The following CSMD1 variants were observed in gnomAD, a reference collection of about 807,000 sequenced individuals.
CSMD1 encodes CUB and Sushi multiple domains 1.
CSMD1 carries 213 observed loss-of-function variants against 417.5 expected under a neutral mutation model. The ratio of observed to expected loss-of-function variants is 0.51; its 90% CI spans 0.46 to 0.57. The LOEUF is 0.57. Among genes scored for constraint, CSMD1 ranks in the 20% least tolerant of loss-of-function variants. CSMD1 has a pLI of 0.00. For missense variants in CSMD1, 6,923 were observed against 4,529.7 expected (o/e 1.53, Z -15.17); for synonymous variants, 2,862 against 1,736.8 (o/e 1.65, Z -16.11).
At chr8:3,445,369 T>C (rs1003098308) in intron 12 of CSMD1, among the ~76,000 whole-genome samples, 3 of 152,186 alleles carry the variant, frequency 2.0e-5, no homozygotes, top group African/African-American at 7.2e-5. Flanking sequence ...TATGTTACCA[T>C]CTTATTTTCA....
intron 7 of CSMD1, among the ~76,000 whole-genome samples, chr8:3,667,361 G>A (rs1365967758): frequency 2.6e-5 from 4 of 152,114 alleles, no homozygotes; most frequent in Non-Finnish European, 5.9e-5. Context: ...ATGTCATGGA[G>A]ATGACATTTG....
At chr8:3,798,858 A>G (rs1039650260) in intron 5 of CSMD1, among the ~76,000 whole-genome samples, 23 of 151,964 alleles carry the variant, frequency 1.5e-4, no homozygotes, top group African/African-American at 5.6e-4. Flanking sequence ...ACTCTTTCCT[A>G]TTTTCCTTTG....
At chr8:3,969,280 C>G (rs531208671) in intron 5 of CSMD1, among the ~76,000 whole-genome samples, 2 of 152,096 alleles carry the variant, frequency 1.3e-5, no homozygotes, top group South Asian at 4.2e-4. Flanking sequence ...GTGGCTGTAG[C>G]TGCAAAAGAT....
chr8:3,998,868 T>C (rs1290970126), intron 4 of CSMD1, among the ~76,000 whole-genome samples: 7 of 150,026 alleles, frequency 4.7e-5, no homozygotes, highest in Admixed American at 6.7e-5. Context: ...AAACTATATA[T>C]AGTTGATATA....
intron 5 of CSMD1, among the ~76,000 whole-genome samples, chr8:3,951,640 A>G (rs1489670175): frequency 1.3e-5 from 2 of 152,234 alleles, no homozygotes; most frequent in Admixed American, 6.5e-5. Flanking sequence ...ATATTGGAAG[A>G]AAGGTTAAAA....
At chr8:3,077,430 T>C (rs1813762627) in intron 49 of CSMD1, among the ~76,000 whole-genome samples, 1 of 152,200 alleles carries the variant, frequency 6.6e-6, no homozygotes, top group Non-Finnish European at 1.5e-5. Context: ...ACTGTCTGCA[T>C]CGATGTGGTC....
chr8:4,414,412 T>C (rs111367542), intron 3 of CSMD1, among the ~76,000 whole-genome samples: 3,836 of 152,270 alleles, frequency 0.025, 153 homozygotes, highest in African/African-American at 0.087. Context: ...CCATTTTCTT[T>C]CATAAAATAA....
At chr8:4,103,637 T>C (rs1054930209) in intron 3 of CSMD1, among the ~76,000 whole-genome samples, 12 of 152,178 alleles carry the variant, frequency 7.9e-5, no homozygotes, top group Non-Finnish European at 7.4e-5. Context: ...TAAGGATCTT[T>C]AAATCTCATT....
intron 1 of CSMD1, among the ~76,000 whole-genome samples, chr8:4,824,285 C>G (rs892361180): frequency 2.0e-5 from 3 of 151,962 alleles, no homozygotes; most frequent in Non-Finnish European, 4.4e-5. Context: ...ACAAGTTTTT[C>G]TTGGGTACGT....
At chr8:3,376,565 T>C (rs964742681) in intron 18 of CSMD1, among the ~76,000 whole-genome samples, 1 of 152,094 alleles carries the variant, frequency 6.6e-6, no homozygotes, top group Non-Finnish European at 1.5e-5. Flanking sequence ...TGATTCCAAA[T>C]AAATTCTTTT....
intron 8 of CSMD1, chr8:3,598,159 G>C (rs17066535): frequency 6.6e-6 from 1 of 152,072 alleles, no homozygotes; most frequent in Non-Finnish European, 1.5e-5. Flanking sequence ...GTAGGACCAA[G>C]CCAATCTGAG....
intron 12 of CSMD1, among the ~76,000 whole-genome samples, chr8:3,418,267 A>G (rs1563368805): frequency 6.6e-6 from 1 of 152,116 alleles, no homozygotes. Flanking sequence ...GCTATAAGTA[A>G]CCACAGAAAT....
intron 3 of CSMD1, among the ~76,000 whole-genome samples, chr8:4,228,168 C>A (rs866286191): frequency 6.6e-6 from 1 of 152,210 alleles, no homozygotes. Flanking sequence ...AGGAAACACC[C>A]CCTCCACCCT....
intron 7 of CSMD1, among the ~76,000 whole-genome samples, chr8:3,685,464 C>T (rs1184994299): frequency 6.6e-6 from 1 of 152,262 alleles, no homozygotes; most frequent in Non-Finnish European, 1.5e-5. Context: ...TAATCGGATG[C>T]TGCAGCCGAA....
intron 1 of CSMD1, among the ~76,000 whole-genome samples, chr8:4,732,384 G>GTGTGTGTGT (rs1563244645): frequency 1.8e-4 from 8 of 45,312 alleles, no homozygotes; most frequent in African/African-American, 6.3e-4. Context: ...TGTGTGTGTA[G>GTGTGTGTGT]TGTTTTTCCC....
At chr8:3,050,794 T>C (rs1360224407) in intron 50 of CSMD1, among the ~76,000 whole-genome samples, 1 of 152,214 alleles carries the variant, frequency 6.6e-6, no homozygotes. Context: ...TATATCTAAG[T>C]ATATGGATAT....
chr8:3,669,979 G>A lies in CSMD1; in HGVS notation c.1009+38435C>T, dbSNP rs142670826. ...TATAATTTATACCTTATTATTTTAA[G>A]CTATCAGGTGCAATTGCATACATTT... is the stretch of plus-strand genomic sequence containing the variant. On this transcript the variant is annotated intron_variant, in intron 7 of 69. Coordinates refer to ENST00000635120, the MANE Select transcript of CSMD1 (RefSeq NM_033225.6). Among the ~76,000 whole-genome samples the A allele has an allele frequency of 9.6e-3, 1,464 of 152,238 alleles. 20 individuals are homozygous for A. The highest frequency in any genetic ancestry group is 0.026 in the South Asian group (123 of 4,822).
At chr8:4,892,824 C>T (rs899949630) in intron 1 of CSMD1, among the ~76,000 whole-genome samples, 1 of 152,052 alleles carries the variant, frequency 6.6e-6, no homozygotes, top group African/African-American at 2.4e-5. Context: ...GTATGCTACT[C>T]CATAGTATAA....
At chr8:3,844,975 T>A (rs527556925) in intron 5 of CSMD1, among the ~76,000 whole-genome samples, 1 of 152,338 alleles carries the variant, frequency 6.6e-6, no homozygotes, top group African/African-American at 2.4e-5. Flanking sequence ...AAAGATGTGA[T>A]ATGCAGATAC....
Sources: gnomAD v4.1 joint callset for allele counts (sites outside exome capture counted in the v4.1 genomes callset) on GRCh38, gnomAD v4.1.1 for gene constraint, MANE v1.5 for transcripts, NCBI Gene and HGNC (gene_info 2026-07-23, HGNC 2026-07-21) for gene names.